SORCS2: variants seen among roughly 807,000 people sequenced by gnomAD.
SORCS2 encodes VPS10 domain-containing receptor SorCS2.
Under a neutral mutation model 141.6 loss-of-function variants are expected in SORCS2, and 100 were observed. The observed-to-expected ratio is 0.71, with a 90% confidence interval of 0.60 to 0.83. SORCS2 has a LOEUF of 0.83. Ranked by LOEUF, SORCS2 falls within the 40% of genes least tolerant of loss-of-function variation. The pLI is 0.00. For synonymous variants in SORCS2, 789 were observed against 676.9 expected (o/e 1.17, Z -2.57); for missense variants, 1,646 against 1,560.2 (o/e 1.05, Z -0.93).
chr4:7,676,837 C>CTCTCTCTCT (rs1723174458), intron 9 of SORCS2, among the ~76,000 whole-genome samples: 4 of 134,126 alleles, frequency 3.0e-5, no homozygotes, highest in African/African-American at 8.1e-5. Context: ...CTCCCTCTCT[C>CTCTCTCTCT]CACCCCAGCC....
At chr4:7,603,699 G>A (rs558407818) in intron 3 of SORCS2, among the ~76,000 whole-genome samples, 1 of 152,212 alleles carries the variant, frequency 6.6e-6, no homozygotes, top group Admixed American at 6.5e-5. Context: ...TGCTTACAGA[G>A]CCTCATTTCC....
At chr4:7,713,300 A>G (rs186261583) in intron 15 of SORCS2, among the ~76,000 whole-genome samples, 1 of 152,226 alleles carries the variant, frequency 6.6e-6, no homozygotes, top group Admixed American at 6.5e-5. Context: ...AGAGGAGTAT[A>G]AAGACCATCA....
intron 1 of SORCS2, among the ~76,000 whole-genome samples, chr4:7,301,216 C>T (rs764770463): frequency 6.6e-6 from 1 of 152,168 alleles, no homozygotes; most frequent in Non-Finnish European, 1.5e-5. Context: ...TTCCTTCATT[C>T]TGCCAGGGTT....
intron 1 of SORCS2, among the ~76,000 whole-genome samples, chr4:7,359,409 C>A (rs1034082678): frequency 6.6e-6 from 1 of 152,244 alleles, no homozygotes; most frequent in African/African-American, 2.4e-5. Context: ...GCTGAAACTA[C>A]AGGCATGAGC....
intron 8 of SORCS2, among the ~76,000 whole-genome samples, chr4:7,674,151 C>T (rs536966751): frequency 6.6e-5 from 10 of 152,130 alleles, no homozygotes; most frequent in African/African-American, 2.4e-4. Context: ...GCACCCTGCC[C>T]CATCATCCTT....
At chr4:7,518,193 G>A (rs1201815492) in intron 2 of SORCS2, among the ~76,000 whole-genome samples, 1 of 152,208 alleles carries the variant, frequency 6.6e-6, no homozygotes, top group Admixed American at 6.5e-5. Context: ...AAGAAGAACT[G>A]AGGATACATT....
chr4:7,391,930 G>A (rs1331818211), intron 1 of SORCS2, among the ~76,000 whole-genome samples: 1 of 152,168 alleles, frequency 6.6e-6, no homozygotes, highest in Non-Finnish European at 1.5e-5. Context: ...CCATTAGCAG[G>A]GCTGGAGGAG....
At chr4:7,205,211 C>T (rs1727669172) in intron 1 of SORCS2, among the ~76,000 whole-genome samples, 1 of 152,152 alleles carries the variant, frequency 6.6e-6, no homozygotes, top group Non-Finnish European at 1.5e-5. Context: ...GGGTTAGGCT[C>T]CTTGGGTGGA....
At chr4:7,677,206 G>T (rs1347078831) in intron 9 of SORCS2, among the ~76,000 whole-genome samples, 1 of 152,018 alleles carries the variant, frequency 6.6e-6, no homozygotes, top group Non-Finnish European at 1.5e-5. Context: ...GCCCTCCTGG[G>T]TCCCCCTCGG....
At chr4:7,487,792 A>T (rs890538107) in intron 2 of SORCS2, among the ~76,000 whole-genome samples, 5 of 152,122 alleles carry the variant, frequency 3.3e-5, no homozygotes, top group Non-Finnish European at 7.3e-5. Context: ...AATCCCCAGC[A>T]GCTACGGTAC....
At chr4:7,557,914 C>T (rs978780963) in intron 3 of SORCS2, among the ~76,000 whole-genome samples, 6 of 152,340 alleles carry the variant, frequency 3.9e-5, no homozygotes, top group South Asian at 4.1e-4. Flanking sequence ...ACACCTGCTT[C>T]GCAGATGAAG....
At position 7,648,080 on chromosome 4, in the gene SORCS2, T is replaced by A. The variant is rs1721194167; in HGVS notation, c.814-6054T>A. ...TGAGATGGAATGGGGTGCCGGCCCC[T>A]GAGGGCTCTGCTTACGGTGGGGCAG... On this transcript the variant is annotated intron_variant, in intron 4 of 26. Transcript: ENST00000507866. This position sits in a 1 kb window ranked among gnomAD's most constrained non-coding sequence, Gnocchi z 4.2. Among the ~76,000 whole-genome samples the A allele has an allele frequency of 6.6e-6, 1 of 151,802 alleles. No individual in the cohort carries two copies. Among genetic ancestry groups the A allele is most frequent in the African/African-American group, 2.4e-5 (1 of 41,302 alleles).
chr4:7,501,614 C>G (rs1186113471), intron 2 of SORCS2, among the ~76,000 whole-genome samples: 2 of 152,206 alleles, frequency 1.3e-5, no homozygotes, highest in East Asian at 1.9e-4. Context: ...TTCTCGCACC[C>G]GGTCTTCCTG....
chr4:7,329,382 A>G (rs1276482270), intron 1 of SORCS2, among the ~76,000 whole-genome samples: 2 of 152,180 alleles, frequency 1.3e-5, no homozygotes, highest in Non-Finnish European at 1.5e-5. Flanking sequence ...CTTCCCACCC[A>G]TGGAGGACAC....
intron 1 of SORCS2, among the ~76,000 whole-genome samples, chr4:7,222,198 G>A (rs749211209): frequency 6.6e-6 from 1 of 152,170 alleles, no homozygotes; most frequent in Non-Finnish European, 1.5e-5. Flanking sequence ...CCGTGTCTCT[G>A]CTGCAGCAAG....
intron 1 of SORCS2, among the ~76,000 whole-genome samples, chr4:7,288,677 G>A (rs1313290203): frequency 6.6e-6 from 1 of 151,638 alleles, no homozygotes; most frequent in African/African-American, 2.4e-5. Context: ...CAGTCCTATT[G>A]GATTAGGTCC....
At chr4:7,256,532 C>A (rs1713882051) in intron 1 of SORCS2, among the ~76,000 whole-genome samples, 1 of 152,024 alleles carries the variant, frequency 6.6e-6, no homozygotes, top group African/African-American at 2.4e-5. Flanking sequence ...TTCATTTATT[C>A]ATTGAATACC....
chr4:7,659,527 A>G (rs1202159084), intron 5 of SORCS2, among the ~76,000 whole-genome samples: 2 of 152,158 alleles, frequency 1.3e-5, no homozygotes, highest in Non-Finnish European at 1.5e-5. Context: ...ATGTCCCTCA[A>G]AGGCGAGGCT....
chr4:7,345,864 G>A (rs1212290839), intron 1 of SORCS2, among the ~76,000 whole-genome samples: 4 of 152,110 alleles, frequency 2.6e-5, no homozygotes, highest in Admixed American at 6.5e-5. Flanking sequence ...TCTTTTCTCT[G>A]AGTTTTCCCT....
Sources: allele counts gnomAD v4.1 joint callset (sites outside exome capture counted in the v4.1 genomes callset), GRCh38; gene constraint gnomAD v4.1.1; non-coding constraint Gnocchi (gnomAD v3.1); transcripts MANE v1.5; gene names NCBI Gene and HGNC (gene_info 2026-07-23, HGNC 2026-07-21).